Variants in NXPH1 observed in about 807,000 individuals in gnomAD.
NXPH1 encodes the protein neurexophilin 1, also known as neurexophilin-1.
NXPH1 carries 5 observed loss-of-function variants against 23.7 expected under a neutral mutation model. The ratio of observed to expected loss-of-function variants is 0.21; its 90% CI spans 0.11 to 0.44. NXPH1 has a LOEUF of 0.44. NXPH1 is among the 20% of genes least tolerant of loss of function. NXPH1 has a pLI of 0.99. For missense variants in NXPH1, 324 were observed against 321.6 expected (o/e 1.01, Z -0.06); for synonymous variants, 144 against 122.2 (o/e 1.18, Z -1.18).
intron 2 of NXPH1, among the ~76,000 whole-genome samples, chr7:8,587,476 C>T (rs557431557): frequency 6.6e-6 from 1 of 151,978 alleles, no homozygotes; most frequent in African/African-American, 2.4e-5. Flanking sequence ...CTGTTTCTGG[C>T]TTCAGGAGAT....
chr7:8,451,862 T>C (rs1032835741), intron 2 of NXPH1, among the ~76,000 whole-genome samples: 6 of 152,236 alleles, frequency 3.9e-5, no homozygotes, highest in African/African-American at 1.4e-4. Flanking sequence ...AGTATTTCCA[T>C]TTCTTTTTCA....
chr7:8,445,313 TACTA>T (rs1315879409), intron 2 of NXPH1, among the ~76,000 whole-genome samples: 18 of 152,198 alleles, frequency 1.2e-4, no homozygotes, highest in African/African-American at 4.3e-4. Context: ...TATTAGCTTG[TACTA>T]ACTTAGAGGA....
Position 8,471,249 on chromosome 7 carries a change from A to T in NXPH1, c.54+35482A>T, listed in dbSNP as rs147081240. ...ACTCTTTAAGGCAGAGATCAGGCCAATGTGGCGGTACTCTACAAGAAAAGC... is the reference window on the plus strand; with the variant it reads ...ACTCTTTAAGGCAGAGATCAGGCCATTGTGGCGGTACTCTACAAGAAAAGC... On this transcript the variant is annotated intron_variant, in intron 2 of 2. Coordinates refer to ENST00000405863, the MANE Select transcript of NXPH1 (RefSeq NM_152745.3). Among the ~76,000 whole-genome samples, 457 of 152,288 alleles carry T rather than the reference A, an allele frequency of 3.0e-3. 3 individuals carry two copies. The highest frequency in any genetic ancestry group is 0.01 in the African/African-American group (431 of 41,586).
chr7:8,688,193 G>C (rs1043403920), intron 2 of NXPH1, among the ~76,000 whole-genome samples: 1 of 151,986 alleles, frequency 6.6e-6, no homozygotes, highest in African/African-American at 2.4e-5. Context: ...CTGATCAAAG[G>C]GATGCTCTAG....
At chr7:8,671,161 C>T (rs1465833490) in intron 2 of NXPH1, among the ~76,000 whole-genome samples, 1 of 152,084 alleles carries the variant, frequency 6.6e-6, no homozygotes, top group East Asian at 1.9e-4. Flanking sequence ...ATTACATATG[C>T]TATTTTTGTG....
chr7:8,621,370 A>C (rs939896353), intron 2 of NXPH1, among the ~76,000 whole-genome samples: 1 of 152,178 alleles, frequency 6.6e-6, no homozygotes, highest in African/African-American at 2.4e-5. Flanking sequence ...GTTGCAGCAG[A>C]GGAGTTAGGG....
At chr7:8,626,258 T>C (rs573875178) in intron 2 of NXPH1, among the ~76,000 whole-genome samples, 5 of 152,096 alleles carry the variant, frequency 3.3e-5, no homozygotes, top group Non-Finnish European at 4.4e-5. Context: ...TAATGAAGCA[T>C]GGTTGGATAT....
In NXPH1 at chr7:8,499,165, A is replaced by G. The variant is rs117568592; in HGVS notation, c.54+63398A>G. Reference sequence around the variant, plus strand: ...AGTGGAGAATTCTTTTTTGGTTCCTATACCAAGCAGGAAAGGATGATCCTT... The same window carrying G: ...AGTGGAGAATTCTTTTTTGGTTCCTGTACCAAGCAGGAAAGGATGATCCTT... On this transcript the variant is annotated intron_variant, in intron 2 of 2. Coordinates refer to ENST00000405863, the MANE Select transcript of NXPH1 (RefSeq NM_152745.3). Among the ~76,000 whole-genome samples the G allele has an allele frequency of 2.9e-3, 435 of 152,140 alleles. 2 individuals carry two copies. Among genetic ancestry groups the G allele is most frequent in the Non-Finnish European group, 4.9e-3 (336 of 67,950 alleles).
chr7:8,457,172 T>G (rs564386803), intron 2 of NXPH1, among the ~76,000 whole-genome samples: 77 of 152,348 alleles, frequency 5.1e-4, no homozygotes, highest in South Asian at 5.0e-3. Flanking sequence ...ATTCTTGGCT[T>G]TTCCACTTAA....
At chr7:8,473,009 T>G (rs1270827211) in intron 2 of NXPH1, among the ~76,000 whole-genome samples, 1 of 152,156 alleles carries the variant, frequency 6.6e-6, no homozygotes, top group Non-Finnish European at 1.5e-5. Context: ...GAGGCACATA[T>G]TACTACCAGT....
intron 2 of NXPH1, among the ~76,000 whole-genome samples, chr7:8,531,879 A>C (rs148610805): frequency 6.2e-4 from 95 of 152,286 alleles, no homozygotes; most frequent in African/African-American, 2.1e-3. Context: ...TCTGTGTCTC[A>C]TAGTAGGTAT....
chr7:8,735,774 T>G (rs1484161303), intron 2 of NXPH1, among the ~76,000 whole-genome samples: 1 of 152,194 alleles, frequency 6.6e-6, no homozygotes, highest in Non-Finnish European at 1.5e-5. Flanking sequence ...TCTGGGCTTT[T>G]TTTGGTTGGT....
chr7:8,610,357 T>TC (rs908213870), intron 2 of NXPH1, among the ~76,000 whole-genome samples: 5 of 152,134 alleles, frequency 3.3e-5, no homozygotes, highest in Non-Finnish European at 5.9e-5. Flanking sequence ...GTCAACATTC[T>TC]CCCCTTTCCT....
chr7:8,551,319 T>G (rs1818272207), intron 2 of NXPH1, among the ~76,000 whole-genome samples: 1 of 151,544 alleles, frequency 6.6e-6, no homozygotes, highest in Non-Finnish European at 1.5e-5. Flanking sequence ...TATGTTGTGA[T>G]CAAAATGATG....
In NXPH1 at chr7:8,663,921, T is replaced by G. The variant is rs113825375; in HGVS notation, c.55-87087T>G. Among the ~76,000 whole-genome samples, 1,260 of 152,198 alleles carry G rather than the reference T, an allele frequency of 8.3e-3. 19 individuals are homozygous for G. The highest frequency in any genetic ancestry group is 0.029 in the African/African-American group (1,208 of 41,562). On this transcript the variant is annotated intron_variant, in intron 2 of 2. Transcript: ENST00000405863. ...GTCTTGCTACCCTTTTTACTGGATT[T>G]AGAACGCCATGTATGATGCTTTAAC...
At chr7:8,641,794 T>A (rs1820317672) in intron 2 of NXPH1, among the ~76,000 whole-genome samples, 1 of 152,208 alleles carries the variant, frequency 6.6e-6, no homozygotes, top group South Asian at 2.1e-4. Context: ...ATAATTTAGT[T>A]TTCATTCTTA....
chr7:8,727,188 GT>G (rs566695928), intron 2 of NXPH1, among the ~76,000 whole-genome samples: 330 of 134,708 alleles, frequency 2.4e-3, no homozygotes, highest in Non-Finnish European at 2.9e-3. Context: ...GGGGTTGTTT[GT>G]TTTTTTCTTG....
intron 2 of NXPH1, among the ~76,000 whole-genome samples, chr7:8,497,548 G>A (rs1183429273): frequency 2.6e-5 from 4 of 152,110 alleles, no homozygotes; most frequent in East Asian, 3.9e-4. Context: ...TTTAATGATC[G>A]CCATTCTAAC....
chr7:8,450,558 A>T (rs1816490003), intron 2 of NXPH1, among the ~76,000 whole-genome samples: 1 of 152,240 alleles, frequency 6.6e-6, no homozygotes, highest in Non-Finnish European at 1.5e-5. Flanking sequence ...ATAAAAGTAG[A>T]TCCAAGACAC....
Sources: allele counts gnomAD v4.1 joint callset (sites outside exome capture counted in the v4.1 genomes callset), GRCh38; gene constraint gnomAD v4.1.1; transcripts MANE v1.5; gene names NCBI Gene and HGNC (gene_info 2026-07-23, HGNC 2026-07-21).